Variants in EHBP1 observed in about 807,000 individuals in gnomAD.
EHBP1 encodes the protein EH domain binding protein 1, also known as EH domain-binding protein 1.
In EHBP1, 55 loss-of-function variants were observed where a neutral mutation model predicts 144.0. That is an observed-to-expected ratio of 0.38 (90% CI 0.31 to 0.48). The LOEUF (loss-of-function observed/expected upper bound fraction) is 0.48, where lower values mean the gene tolerates loss of function less well. Ranked by LOEUF, EHBP1 falls within the 20% of genes least tolerant of loss-of-function variation. The pLI is 0.98. For synonymous variants in EHBP1, 469 were observed against 472.7 expected (o/e 0.99, Z 0.10); for missense variants, 1,200 against 1,364.2 (o/e 0.88, Z 1.90).
intron 4 of EHBP1, among the ~76,000 whole-genome samples, chr2:62,766,129 A>G (rs1346943502): frequency 6.6e-6 from 1 of 152,150 alleles, no homozygotes; most frequent in Non-Finnish European, 1.5e-5. Context: ...CTGCCATGCT[A>G]TTATACTAGA....
intron 5 of EHBP1, among the ~76,000 whole-genome samples, chr2:62,798,324 C>T (rs34506567): frequency 0.11 from 17,243 of 151,558 alleles, 1,272 homozygotes; most frequent in East Asian, 0.19. Context: ...GCTGGGGTTA[C>T]GCCACAGCAC....
At chr2:62,748,341 CA>C (rs1056620492) in intron 3 of EHBP1, among the ~76,000 whole-genome samples, 7 of 151,952 alleles carry the variant, frequency 4.6e-5, no homozygotes, top group African/African-American at 1.7e-4. Context: ...TATTCAATAA[CA>C]GTTCTACAGA....
intron 5 of EHBP1, among the ~76,000 whole-genome samples, chr2:62,778,384 A>G (rs1214797196): frequency 6.6e-6 from 1 of 152,008 alleles, no homozygotes; most frequent in Non-Finnish European, 1.5e-5. Flanking sequence ...TCTCTACAAA[A>G]TGTCAAAAAA....
intron 2 of EHBP1, among the ~76,000 whole-genome samples, chr2:62,727,537 T>A (rs974845791): frequency 1.3e-5 from 2 of 152,222 alleles, no homozygotes; most frequent in African/African-American, 4.8e-5. Context: ...TCTCTCTAGA[T>A]TTGCCTATTC....
At position 62,993,534 on chromosome 2, in the gene EHBP1, G is replaced by T. The variant is rs754374097; in HGVS notation, c.2738G>T (p.Gly913Val). The change falls in exon 17 of 23, where the codon GGC becomes GTC. Residue 913 changes from glycine (G) to valine (V), a missense_variant. Physicochemically the swap from Gly to Val is moderately radical, Grantham distance 109. Around this residue, in one of 6 missense-constraint regions of EHBP1, gnomAD observed 543 missense variants for 513.1 expected, o/e 1.06. Coordinates refer to ENST00000431489, the MANE Select transcript of EHBP1 (RefSeq NM_001142616.3). ...TESSEQDMKS[G>V]TEDLRTERLQ... ...CATGTGTTGTTTTACGTTTAGAGTG[G>T]CACAGAAGATCTCCGGACTGAACGA... The T allele has an allele frequency of 3.8e-6, 6 of 1,582,438 alleles. No homozygotes were observed. Among genetic ancestry groups the T allele is most frequent in the Non-Finnish European group, 5.2e-6 (6 of 1,160,690 alleles).
intron 10 of EHBP1, among the ~76,000 whole-genome samples, chr2:62,915,586 G>A (rs1055109065): frequency 6.6e-6 from 1 of 152,010 alleles, no homozygotes; most frequent in Non-Finnish European, 1.5e-5. Flanking sequence ...TATTGTGAAA[G>A]CATCCCTCTT....
At chr2:62,679,062 G>A (rs6745862) in intron 1 of EHBP1, among the ~76,000 whole-genome samples, 122,087 of 152,216 alleles carry the variant, frequency 0.8, 49,192 homozygotes, top group East Asian at 0.91. Flanking sequence ...AGTGAGATAC[G>A]GCCTGGACTC....
At chr2:63,001,243 G>T (rs959275364) in intron 19 of EHBP1, among the ~76,000 whole-genome samples, 1 of 152,106 alleles carries the variant, frequency 6.6e-6, no homozygotes, top group African/African-American at 2.4e-5. Flanking sequence ...TTCCTGAGCG[G>T]AGAATAACAA....
chr2:62,754,975 G>A (rs559350576), intron 3 of EHBP1, among the ~76,000 whole-genome samples: 5 of 152,124 alleles, frequency 3.3e-5, no homozygotes, highest in South Asian at 2.1e-4. Context: ...GCTCATGCTC[G>A]ATGGGCTGCA....
chr2:62,877,745 A>G (rs1054571911), intron 10 of EHBP1, among the ~76,000 whole-genome samples: 1 of 152,196 alleles, frequency 6.6e-6, no homozygotes. Flanking sequence ...TTTTGGGTAA[A>G]CAAATAAGGC....
intron 5 of EHBP1, among the ~76,000 whole-genome samples, chr2:62,776,335 C>T (rs1268379051): frequency 2.6e-5 from 4 of 152,174 alleles, no homozygotes; most frequent in Admixed American, 1.3e-4. Context: ...TTTAATATTT[C>T]ACAGCTTCCA....
At chr2:62,702,895 T>C (rs1426355448), upstream of EHBP1, among the ~76,000 whole-genome samples, 1 of 152,252 alleles carries the variant, frequency 6.6e-6, no homozygotes, top group Non-Finnish European at 1.5e-5. Context: ...GGCATGATTA[T>C]GTTTTACAGG....
At chr2:63,029,283 A>G (rs1478643305) in intron 19 of EHBP1, among the ~76,000 whole-genome samples, 3 of 151,866 alleles carry the variant, frequency 2.0e-5, no homozygotes, top group Admixed American at 2.0e-4. Context: ...GTTTGTACTG[A>G]TTCACCCACA....
At position 62,816,511 on chromosome 2, in the gene EHBP1, A is replaced by G. The variant is rs146311023; in HGVS notation, c.313-9576A>G. Among the ~76,000 whole-genome samples the G allele has an allele frequency of 5.7e-3, 863 of 152,318 alleles. 12 individuals carry two copies. Among genetic ancestry groups the G allele is most frequent in the African/African-American group, 0.02 (816 of 41,588 alleles). ...AAAAACCCTTGAGAACTGTTAGTCT[A>G]AACTCTCCAGGAAAAGCCAGTGATT... On this transcript the variant is annotated intron_variant, in intron 5 of 22. Transcript: ENST00000431489.
intron 10 of EHBP1, among the ~76,000 whole-genome samples, chr2:62,911,131 G>A (rs1381594522): frequency 1.3e-5 from 2 of 152,124 alleles, no homozygotes; most frequent in Non-Finnish European, 2.9e-5. Flanking sequence ...GTACCACAAA[G>A]TGAGTTGCAT....
At chr2:63,027,614 A>G (rs539592488) in intron 19 of EHBP1, among the ~76,000 whole-genome samples, 9 of 152,322 alleles carry the variant, frequency 5.9e-5, no homozygotes, top group African/African-American at 2.2e-4. Flanking sequence ...GTGGGTGCGG[A>G]CTGCAAGTGG....
chr2:62,877,835 T>G (rs1239432863), intron 10 of EHBP1, among the ~76,000 whole-genome samples: 1 of 152,180 alleles, frequency 6.6e-6, no homozygotes, highest in Non-Finnish European at 1.5e-5. Flanking sequence ...TAAAGCAGTA[T>G]TAAGAGGACA....
At chr2:62,782,834 C>T (rs1005483188) in intron 5 of EHBP1, among the ~76,000 whole-genome samples, 3 of 152,160 alleles carry the variant, frequency 2.0e-5, no homozygotes, top group Admixed American at 6.5e-5. Context: ...CTCATGTCTT[C>T]ACGTTTCAAA....
intron 1 of EHBP1, among the ~76,000 whole-genome samples, chr2:62,688,321 G>A (rs1191185126): frequency 6.6e-6 from 1 of 152,126 alleles, no homozygotes; most frequent in Admixed American, 6.6e-5. Flanking sequence ...TATCTTCTAT[G>A]TGTTGGACAT....
Sources: allele counts gnomAD v4.1 joint callset (sites outside exome capture counted in the v4.1 genomes callset), GRCh38; gene constraint gnomAD v4.1.1; regional missense constraint gnomAD v4.1.1; transcripts MANE v1.5; gene names NCBI Gene and HGNC (gene_info 2026-07-23, HGNC 2026-07-21).